The following PDGFD variants were observed in gnomAD, a reference collection of about 807,000 sequenced individuals.
PDGFD encodes the protein platelet derived growth factor D, also known as platelet-derived growth factor D.
PDGFD carries 30 observed loss-of-function variants against 44.7 expected under a neutral mutation model. The observed-to-expected ratio is 0.67, with a 90% CI of 0.50 to 0.91. The LOEUF is 0.91. Ranked by LOEUF, PDGFD falls within the 40% of genes least tolerant of loss-of-function variation. The probability of loss-of-function intolerance (pLI) is 0.00; values close to 1 mark genes in which losing one functional copy is unlikely to be tolerated. For synonymous variants in PDGFD, 173 were observed against 168.4 expected (o/e 1.03, Z -0.21); for missense variants, 445 against 457.8 (o/e 0.97, Z 0.25).
intron 1 of PDGFD, among the ~76,000 whole-genome samples, chr11:104,101,130 G>A (rs1335518629): frequency 1.3e-5 from 2 of 152,016 alleles, no homozygotes; most frequent in Non-Finnish European, 2.9e-5. Flanking sequence ...GGAAATAAAG[G>A]GTATTCAATT....
chr11:104,045,885 A>G (rs1297272319), intron 1 of PDGFD, among the ~76,000 whole-genome samples: 1 of 147,084 alleles, frequency 6.8e-6, no homozygotes, highest in Admixed American at 6.8e-5. Context: ...AGATGCCTAG[A>G]AAAAGGTTTG....
At chr11:104,103,138 G>T (rs1416272694) in intron 1 of PDGFD, among the ~76,000 whole-genome samples, 1 of 151,996 alleles carries the variant, frequency 6.6e-6, no homozygotes, top group Non-Finnish European at 1.5e-5. Context: ...CCATTTCTGT[G>T]ACTTAGTTTT....
At chr11:104,079,804 T>G (rs1013498389) in intron 1 of PDGFD, among the ~76,000 whole-genome samples, 2 of 113,736 alleles carry the variant, frequency 1.8e-5, no homozygotes, top group African/African-American at 9.9e-5. Context: ...GATATATATA[T>G]ATAAAACCAC....
At chr11:104,051,259 G>A (rs922714221) in intron 1 of PDGFD, among the ~76,000 whole-genome samples, 4 of 152,100 alleles carry the variant, frequency 2.6e-5, no homozygotes, top group Admixed American at 6.5e-5. Context: ...ACCATAAAAC[G>A]AGAAAAATTA....
intron 6 of PDGFD, among the ~76,000 whole-genome samples, chr11:103,923,263 G>A (rs1030121962): frequency 2.0e-5 from 3 of 152,102 alleles, no homozygotes; most frequent in African/African-American, 7.2e-5. Flanking sequence ...TACTTCAACA[G>A]GGTACCTACA....
intron 1 of PDGFD, among the ~76,000 whole-genome samples, chr11:104,035,985 G>C (rs1311639240): frequency 6.6e-6 from 1 of 152,242 alleles, no homozygotes; most frequent in Admixed American, 6.5e-5. Flanking sequence ...TTCCAGAAAT[G>C]TGAGCTCCTC....
chr11:104,027,945 C>T (rs910088033), intron 1 of PDGFD, among the ~76,000 whole-genome samples: 8 of 151,856 alleles, frequency 5.3e-5, no homozygotes, highest in African/African-American at 1.9e-4. Flanking sequence ...AATCTCAGCA[C>T]TTTGGGAGAA....
intron 1 of PDGFD, among the ~76,000 whole-genome samples, chr11:104,070,948 AT>A (rs1860865538): frequency 6.6e-6 from 1 of 152,174 alleles, no homozygotes; most frequent in Non-Finnish European, 1.5e-5. Context: ...ATGCCTATGT[AT>A]AAAGGTCAGA....
At chr11:104,002,652 G>A (rs1170309270) in intron 1 of PDGFD, among the ~76,000 whole-genome samples, 2 of 152,168 alleles carry the variant, frequency 1.3e-5, no homozygotes, top group Admixed American at 1.3e-4. Flanking sequence ...CTATTAGTCA[G>A]TCAACAATTA....
intron 5 of PDGFD, among the ~76,000 whole-genome samples, chr11:103,934,758 C>T (rs1858460902): frequency 6.6e-6 from 1 of 152,124 alleles, no homozygotes; most frequent in African/African-American, 2.4e-5. Context: ...AAACCATCCC[C>T]ATGATTCAAT....
chr11:104,119,680 TCG>T (rs1281566353), intron 1 of PDGFD, among the ~76,000 whole-genome samples: 4 of 83,548 alleles, frequency 4.8e-5, no homozygotes, highest in Non-Finnish European at 8.3e-5. Context: ...GATATATATA[TCG>T]ATATATAATA....
At chr11:104,025,431 C>A (rs1860027957) in intron 1 of PDGFD, among the ~76,000 whole-genome samples, 1 of 152,122 alleles carries the variant, frequency 6.6e-6, no homozygotes, top group Admixed American at 6.5e-5. Context: ...ACAATGGATA[C>A]AATGGATAAA....
chr11:103,936,544 T>G (rs556894442), intron 5 of PDGFD, among the ~76,000 whole-genome samples: 6 of 152,342 alleles, frequency 3.9e-5, no homozygotes, highest in Non-Finnish European at 7.3e-5. Flanking sequence ...ATAAAACATT[T>G]ATTTCATTTA....
intron 1 of PDGFD, among the ~76,000 whole-genome samples, chr11:104,033,150 A>G (rs1860156201): frequency 6.6e-6 from 1 of 151,966 alleles, no homozygotes; most frequent in Non-Finnish European, 1.5e-5. Flanking sequence ...TTTCATTTAA[A>G]ATTCTGAGTT....
chr11:104,161,950 A>AGAGAGAGAGT (rs142168784), intron 1 of PDGFD, among the ~76,000 whole-genome samples: 28 of 149,016 alleles, frequency 1.9e-4, no homozygotes, highest in Non-Finnish European at 3.4e-4. Flanking sequence ...AATCAAAGAG[A>AGAGAGAGAGT]GTGTGTGTGT....
chr11:104,059,611 T>C (rs554935770), intron 1 of PDGFD, among the ~76,000 whole-genome samples: 1 of 152,300 alleles, frequency 6.6e-6, no homozygotes, highest in Admixed American at 6.5e-5. Flanking sequence ...ACTCCCACTT[T>C]TAAGCATTTC....
intron 1 of PDGFD, among the ~76,000 whole-genome samples, chr11:104,027,071 T>C (rs1028508946): frequency 6.6e-6 from 1 of 152,252 alleles, no homozygotes; most frequent in African/African-American, 2.4e-5. Flanking sequence ...TGTCATCTAC[T>C]TTCTTTAACC....
intron 1 of PDGFD, among the ~76,000 whole-genome samples, chr11:104,067,399 T>C (rs1202220002): frequency 1.3e-5 from 2 of 152,170 alleles, no homozygotes; most frequent in Admixed American, 6.5e-5. Flanking sequence ...TTTTTTAAAA[T>C]AGAAGTGAGC....
At chr11:104,144,528 AC>A (rs1395012774) in intron 1 of PDGFD, among the ~76,000 whole-genome samples, 15 of 137,184 alleles carry the variant, frequency 1.1e-4, no homozygotes, top group Admixed American at 1.5e-4. Context: ...AAAAAAAAAA[AC>A]CCAACAAAAC....
Sources: allele counts gnomAD v4.1 joint callset (sites outside exome capture counted in the v4.1 genomes callset), GRCh38; gene constraint gnomAD v4.1.1; transcripts MANE v1.5; gene names NCBI Gene and HGNC (gene_info 2026-07-23, HGNC 2026-07-21).